Variants in NPRL3 observed in about 807,000 individuals in gnomAD.
The protein encoded by NPRL3 is GATOR1 complex protein NPRL3.
Under a neutral mutation model 57.2 loss-of-function variants are expected in NPRL3, and 23 were observed. That is an observed-to-expected ratio of 0.40 (90% CI 0.29 to 0.57). NPRL3 has a LOEUF of 0.57. NPRL3 is among the 20% of genes least tolerant of loss of function. The pLI is 0.42. For synonymous variants in NPRL3, 333 were observed against 321.1 expected (o/e 1.04, Z -0.39); for missense variants, 691 against 767.1 (o/e 0.90, Z 1.17).
rs1360466556 is a variant in NPRL3, at chr16:97,408, C to CTGT, written c.924+736_924+737insACA. 4.5e-5 allele frequency among the ~76,000 whole-genome samples: 4 copies of CTGT among 89,344 alleles called. No homozygotes were observed. The East Asian group carries it at 1.3e-3, about 28-fold the overall frequency. 58.6% of individuals were successfully genotyped at this position (89,344 alleles called of 152,430 possible). ...TACAGGTGCACGCCACCACACCCAG[C>CTGT]TATTTTTTTTTTTTTTTTTTTTGTA... On this transcript the variant is annotated intron_variant, in intron 9 of 13. Coordinates refer to ENST00000611875, the MANE Select transcript of NPRL3 (RefSeq NM_001077350.3).
At position 110,506 on chromosome 16, in the gene NPRL3, G is replaced by A. The variant is rs749835080; in HGVS notation, c.629+19C>T. 3.1e-6 allele frequency: 5 copies of A among 1,602,364 alleles called. No homozygotes were observed. The highest frequency in any genetic ancestry group is 1.1e-5 in the South Asian group (1 of 89,050). ...TGGCCCATAAGAAGGAGGTTAATAA[G>A]CACACCCACCTGTCTTACCTGTCAT... is the stretch of plus-strand genomic sequence containing the variant. On this transcript the variant is annotated intron_variant, in intron 7 of 13. Coordinates refer to ENST00000611875, the MANE Select transcript of NPRL3 (RefSeq NM_001077350.3).
At position 110,516 on chromosome 16, in the gene NPRL3, C is replaced by T. The variant is rs142080016; in HGVS notation, c.629+9G>A. On this transcript the variant is annotated intron_variant, in intron 7 of 13. Transcript: ENST00000611875. ...GAAGGAGGTTAATAAGCACACCCAC[C>T]TGTCTTACCTGTCATAAGCTTCCTT... 1.9e-5 allele frequency: 31 copies of T among 1,608,258 alleles called. 1 individual carries two copies. In the South Asian group the frequency reaches 3.2e-4, roughly 17 times the overall value.
intron 7 of NPRL3, among the ~76,000 whole-genome samples, chr16:107,142 C>A (rs960907694): frequency 6.6e-6 from 1 of 152,188 alleles, no homozygotes; most frequent in Non-Finnish European, 1.5e-5. Flanking sequence ...AAGAATGCTA[C>A]ATGCTGAACA....
intron 3 of NPRL3, among the ~76,000 whole-genome samples, chr16:129,242 G>C (rs918921159): frequency 6.6e-6 from 1 of 152,136 alleles, no homozygotes; most frequent in Non-Finnish European, 1.5e-5. Context: ...AGCCAGCCCT[G>C]CTCTAAGCTG....
At chr16:93,162 G>A in intron 10 of NPRL3, 57 bp downstream of exon 10, 1 of 1,165,594 alleles carries the variant, frequency 8.6e-7, no homozygotes, top group East Asian at 2.6e-5. Context: ...GGAGGGCCCT[G>A]CCAGCCTCAC....
intron 13 of NPRL3, among the ~76,000 whole-genome samples, chr16:88,006 G>T (rs182210772): frequency 5.5e-4 from 84 of 152,132 alleles, no homozygotes; most frequent in Admixed American, 2.8e-3. Context: ...GTTGCAAGTG[G>T]TTCTCTCGAG....
intron 9 of NPRL3, among the ~76,000 whole-genome samples, chr16:94,666 T>A (rs887044290): frequency 6.6e-6 from 1 of 152,180 alleles, no homozygotes; most frequent in Non-Finnish European, 1.5e-5. Flanking sequence ...ACAGGAGGAT[T>A]GCTTGCACCT....
intron 10 of NPRL3, 135 bp from the exon 11 acceptor site, chr16:92,860 G>T: frequency 9.0e-7 from 1 of 1,105,834 alleles, no homozygotes; most frequent in Non-Finnish European, 1.3e-6. Flanking sequence ...AACGGTATGA[G>T]GCCAGGCAGG....
At chr16:128,584 C>T (rs1197588428) in intron 3 of NPRL3, among the ~76,000 whole-genome samples, 2 of 151,924 alleles carry the variant, frequency 1.3e-5, no homozygotes, top group South Asian at 2.1e-4. Flanking sequence ...CTGGCTAACA[C>T]GGTGAAACCC....
chr16:134,473 T>C (rs549057865), intron 2 of NPRL3, among the ~76,000 whole-genome samples: 2 of 152,298 alleles, frequency 1.3e-5, no homozygotes, highest in Non-Finnish European at 2.9e-5. Context: ...ATCATTTTCC[T>C]GAACGGGAAG....
chr16:137,736 A>AT (rs1016554046), intron 2 of NPRL3, among the ~76,000 whole-genome samples: 1 of 149,712 alleles, frequency 6.7e-6, no homozygotes, highest in African/African-American at 2.5e-5. Flanking sequence ...TTTTATTTTT[A>AT]TTTTTTCAGT....
At chr16:115,549 G>A (rs1360024296) in intron 5 of NPRL3, among the ~76,000 whole-genome samples, 4 of 150,352 alleles carry the variant, frequency 2.7e-5, no homozygotes, top group Non-Finnish European at 5.9e-5. Flanking sequence ...GCAATGGTGC[G>A]ATCTCTGCTC....
At chr16:87,054 C>T (rs1898507136) in intron 13 of NPRL3, among the ~76,000 whole-genome samples, 184 bp from the exon 14 acceptor site, 1 of 152,198 alleles carries the variant, frequency 6.6e-6, no homozygotes, top group Non-Finnish European at 1.5e-5. Context: ...GACCCCATGC[C>T]CACCACGGTC....
intron 3 of NPRL3, among the ~76,000 whole-genome samples, chr16:129,721 A>G (rs1426698614): frequency 1.3e-5 from 2 of 152,190 alleles, no homozygotes; most frequent in African/African-American, 2.4e-5. Flanking sequence ...CTGCCTTGTC[A>G]GAGAACTGCA....
intron 11 of NPRL3, 135 bp downstream of exon 11, chr16:92,461 C>G: frequency 2.6e-6 from 3 of 1,145,620 alleles, no homozygotes; most frequent in East Asian, 2.7e-5. Flanking sequence ...GTAGCACTTG[C>G]ACGGCAAGCC....
intron 2 of NPRL3, among the ~76,000 whole-genome samples, chr16:134,802 C>G (rs1277316009): frequency 2.0e-5 from 3 of 148,412 alleles, no homozygotes; most frequent in Non-Finnish European, 4.4e-5. Flanking sequence ...CCCGGGTTCA[C>G]GCCATTCTCC....
At chr16:131,782 C>A (rs1900817343) in intron 2 of NPRL3, among the ~76,000 whole-genome samples, 1 of 152,052 alleles carries the variant, frequency 6.6e-6, no homozygotes. Context: ...CTACATCTAT[C>A]AATTTACTCT....
At chr16:138,122 G>C (rs375040044) in intron 2 of NPRL3, 28 bp downstream of exon 2, 1 of 1,543,772 alleles carries the variant, frequency 6.5e-7, no homozygotes, top group Non-Finnish European at 8.8e-7. Flanking sequence ...CCCCGCGAGC[G>C]CCAGGCCCCC....
intron 8 of NPRL3, among the ~76,000 whole-genome samples, chr16:98,967 T>C (rs1342645741): frequency 6.6e-6 from 1 of 151,984 alleles, no homozygotes; most frequent in Non-Finnish European, 1.5e-5. Flanking sequence ...CTGCAAGGAT[T>C]ATGTCACCCT....
Sources: gnomAD v4.1 joint callset for allele counts (sites outside exome capture counted in the v4.1 genomes callset) on GRCh38, gnomAD v4.1.1 for gene constraint, MANE v1.5 for transcripts, NCBI Gene and HGNC (gene_info 2026-07-23, HGNC 2026-07-21) for gene names.